The following SLC8A1 variants were observed in gnomAD, a reference collection of about 807,000 sequenced individuals.
SLC8A1 encodes solute carrier family 8 member A1.
Under a neutral mutation model 68.3 loss-of-function variants are expected in SLC8A1, and 18 were observed. That is an observed-to-expected ratio of 0.26 (90% CI 0.18 to 0.39). The LOEUF is 0.39. SLC8A1 is among the 10% of genes least tolerant of loss of function. The pLI, the probability that SLC8A1 is intolerant of heterozygous loss-of-function variation, is 1.00. For missense variants in SLC8A1, 985 were observed against 1,156.7 expected (o/e 0.85, Z 2.15); for synonymous variants, 475 against 415.5 (o/e 1.14, Z -1.74).
intron 2 of SLC8A1, among the ~76,000 whole-genome samples, chr2:40,283,980 T>C (rs1162487310): frequency 6.6e-6 from 1 of 152,140 alleles, no homozygotes; most frequent in African/African-American, 2.4e-5. Context: ...GGCTTGTAAT[T>C]GTTAATGTAG....
At chr2:40,404,930 C>A (rs966750872) in intron 2 of SLC8A1, among the ~76,000 whole-genome samples, 1 of 152,128 alleles carries the variant, frequency 6.6e-6, no homozygotes, top group Non-Finnish European at 1.5e-5. Context: ...CCCATGAAAG[C>A]TTGTGGGTAA....
intron 2 of SLC8A1, among the ~76,000 whole-genome samples, chr2:40,359,931 T>TAA (rs11320388): frequency 1.1e-4 from 16 of 141,820 alleles, no homozygotes; most frequent in Admixed American, 2.1e-4. Context: ...GAGTTTAACT[T>TAA]AAAAAAAAAA....
chr2:40,479,495 T>C (rs568584003), intron 1 of SLC8A1, among the ~76,000 whole-genome samples: 8 of 152,308 alleles, frequency 5.3e-5, no homozygotes, highest in Non-Finnish European at 8.8e-5. Flanking sequence ...GGTCATCTGG[T>C]TGGATATTAC....
At chr2:40,234,092 G>C (rs2060040652) in intron 2 of SLC8A1, among the ~76,000 whole-genome samples, 1 of 152,024 alleles carries the variant, frequency 6.6e-6, no homozygotes, top group Non-Finnish European at 1.5e-5. Context: ...GCTCTTTTTT[G>C]GTTCCATATG....
At chr2:40,198,817 T>A (rs887444944) in intron 2 of SLC8A1, among the ~76,000 whole-genome samples, 1 of 151,832 alleles carries the variant, frequency 6.6e-6, no homozygotes, top group South Asian at 2.1e-4. Context: ...TATGACAAAT[T>A]TCACATTAAC....
At chr2:40,465,747 T>C (rs1415647592) in intron 1 of SLC8A1, among the ~76,000 whole-genome samples, 1 of 152,212 alleles carries the variant, frequency 6.6e-6, no homozygotes, top group Non-Finnish European at 1.5e-5. Flanking sequence ...CAAGGAGTAC[T>C]ATGGTCTGAA....
chr2:40,483,084 A>G (rs972393471), intron 1 of SLC8A1, among the ~76,000 whole-genome samples: 1 of 151,592 alleles, frequency 6.6e-6, no homozygotes, highest in Non-Finnish European at 1.5e-5. Flanking sequence ...GATTACAGGC[A>G]TAAGCCATCG....
intron 1 of SLC8A1, among the ~76,000 whole-genome samples, chr2:40,486,121 C>T (rs1576651282): frequency 6.6e-6 from 1 of 152,094 alleles, no homozygotes; most frequent in Non-Finnish European, 1.5e-5. Flanking sequence ...TTATAAGGGG[C>T]TTTCCCCCCT....
chr2:40,429,440 C>A, exon 2 of SLC8A1: 1 of 1,613,886 alleles, frequency 6.2e-7, no homozygotes, highest in South Asian at 1.1e-5. Flanking sequence ...GATGGCCTGT[C>A]TCCTTCATGT....
At chr2:40,277,800 A>ATATATATATATATATATATGTGTG (rs1559066469) in intron 2 of SLC8A1, among the ~76,000 whole-genome samples, 5 of 68,324 alleles carry the variant, frequency 7.3e-5, no homozygotes, top group African/African-American at 4.7e-4. Context: ...GTGTGTATAT[A>ATATATATATATATATATATGTGTG]TATATATATA....
At chr2:40,180,909 T>G (rs560828452) in intron 2 of SLC8A1, among the ~76,000 whole-genome samples, 1 of 152,272 alleles carries the variant, frequency 6.6e-6, no homozygotes, top group South Asian at 2.1e-4. Flanking sequence ...ATATTGTTTC[T>G]AATCCTTGGT....
chr2:40,462,681 G>A (rs1206730877), intron 1 of SLC8A1, among the ~76,000 whole-genome samples: 1 of 151,978 alleles, frequency 6.6e-6, no homozygotes, highest in Non-Finnish European at 1.5e-5. Flanking sequence ...GGTGGTGCAT[G>A]CCTGTATTTC....
At chr2:40,394,743 C>G (rs1473865073) in intron 2 of SLC8A1, among the ~76,000 whole-genome samples, 1 of 151,792 alleles carries the variant, frequency 6.6e-6, no homozygotes, top group Non-Finnish European at 1.5e-5. Flanking sequence ...GTTTTTTCCT[C>G]CTTCTTTAAA....
intron 2 of SLC8A1, among the ~76,000 whole-genome samples, chr2:40,308,878 C>T (rs913065238): frequency 1.3e-5 from 2 of 152,086 alleles, no homozygotes; most frequent in African/African-American, 4.8e-5. Flanking sequence ...TTGCTCTCAG[C>T]ATTTAGAGAA....
At chr2:40,115,884 A>G (rs937781854) in intron 7 of SLC8A1, among the ~76,000 whole-genome samples, 1 of 152,202 alleles carries the variant, frequency 6.6e-6, no homozygotes, top group Admixed American at 6.5e-5. Flanking sequence ...ATCCACAGAT[A>G]CTGCAGTTCT....
intron 1 of SLC8A1, among the ~76,000 whole-genome samples, chr2:40,487,898 T>C (rs1406934808): frequency 6.6e-6 from 1 of 152,152 alleles, no homozygotes; most frequent in Admixed American, 6.5e-5. Context: ...AAATTGTTCA[T>C]GGACAGATAA....
chr2:40,344,530 C>T (rs1367501852), intron 2 of SLC8A1, among the ~76,000 whole-genome samples: 1 of 152,162 alleles, frequency 6.6e-6, no homozygotes, highest in Non-Finnish European at 1.5e-5. Flanking sequence ...TTGAGTAAGA[C>T]ACCCAGACTC....
chr2:40,330,602 A>C (rs2076312098), intron 2 of SLC8A1, among the ~76,000 whole-genome samples: 1 of 152,220 alleles, frequency 6.6e-6, no homozygotes, highest in Non-Finnish European at 1.5e-5. Flanking sequence ...CACACCCATC[A>C]ATAAATTACT....
intron 2 of SLC8A1, among the ~76,000 whole-genome samples, chr2:40,297,588 C>G (rs2070651461): frequency 6.6e-6 from 1 of 152,176 alleles, no homozygotes; most frequent in African/African-American, 2.4e-5. Flanking sequence ...TTGTGTAAAG[C>G]AAACATTTTC....
Sources: allele counts gnomAD v4.1 joint callset (sites outside exome capture counted in the v4.1 genomes callset), GRCh38; gene constraint gnomAD v4.1.1; transcripts MANE v1.5; gene names NCBI Gene and HGNC (gene_info 2026-07-23, HGNC 2026-07-21).